Variants in BCL9 observed in about 807,000 individuals in gnomAD.
The protein encoded by BCL9 is BCL9 transcription coactivator.
Under a neutral mutation model 88.5 loss-of-function variants are expected in BCL9, and 25 were observed. The ratio of observed to expected loss-of-function variants is 0.28; its 90% confidence interval spans 0.21 to 0.39. BCL9 has a LOEUF of 0.39. BCL9 is among the 10% of genes least tolerant of loss of function. The pLI, the probability that BCL9 is intolerant of heterozygous loss-of-function variation, is 1.00. For missense variants in BCL9, 1,817 were observed against 1,877.8 expected (o/e 0.97, Z 0.60); for synonymous variants, 711 against 673.3 (o/e 1.06, Z -0.87).
At chr1:147,609,613 A>G (rs587678531) in intron 3 of BCL9, among the ~76,000 whole-genome samples, 2 of 152,368 alleles carry the variant, frequency 1.3e-5, no homozygotes, top group South Asian at 4.1e-4. Context: ...CTTCGAAAAT[A>G]AAAGTGTTTT....
In BCL9 at chr1:147,598,761, A is replaced by C. The variant is rs117105722; in HGVS notation, c.-477-6016A>C. Among the ~76,000 whole-genome samples the C allele has an allele frequency of 4.6e-4, 70 of 152,324 alleles. No homozygotes were observed. The East Asian group carries it at 0.013, about 27-fold the overall frequency. ...AGTGCACACAGTTGCCGAAGCAGCT[A>C]ACTTAGATCAAGACCCCACAAGGCA... On this transcript the variant is annotated intron_variant, in intron 1 of 9. Coordinates refer to ENST00000234739, the MANE Select transcript of BCL9 (RefSeq NM_004326.4).
chr1:147,596,420 T>TTTC (rs1657055649), intron 1 of BCL9, among the ~76,000 whole-genome samples: 1 of 142,860 alleles, frequency 7.0e-6, no homozygotes, highest in East Asian at 2.0e-4. Flanking sequence ...TCTTTTCTTT[T>TTTC]TTTTTTTTTT....
chr1:147,546,195 G>A (rs1349002437), intron 1 of BCL9, among the ~76,000 whole-genome samples: 3 of 152,060 alleles, frequency 2.0e-5, no homozygotes, highest in Admixed American at 6.6e-5. Context: ...AAAATTAGCC[G>A]GGCTTGGTGG....
chr1:147,582,408 A>T (rs1027772856), intron 1 of BCL9, among the ~76,000 whole-genome samples: 1 of 152,170 alleles, frequency 6.6e-6, no homozygotes, highest in Admixed American at 6.5e-5. Flanking sequence ...TGAACATTTA[A>T]TTTTTTATTT....
chr1:147,562,410 C>T (rs782714510), intron 1 of BCL9, among the ~76,000 whole-genome samples: 3 of 152,056 alleles, frequency 2.0e-5, no homozygotes, highest in Non-Finnish European at 2.9e-5. Context: ...TTCATTTCTT[C>T]GGTACTGGGG....
intron 7 of BCL9, 93 bp downstream of exon 7, chr1:147,615,995 C>A: frequency 8.1e-7 from 1 of 1,238,946 alleles, no homozygotes; most frequent in Admixed American, 2.0e-5. Flanking sequence ...GGAAGGTAGT[C>A]TTGATGGCAT....
intron 1 of BCL9, among the ~76,000 whole-genome samples, chr1:147,586,970 G>T (rs1450598496): frequency 6.6e-6 from 1 of 151,892 alleles, no homozygotes; most frequent in Non-Finnish European, 1.5e-5. Context: ...ATGGTTCTCA[G>T]CATAGGCCCT....
chr1:147,611,989 A>G, intron 4 of BCL9, 100 bp downstream of exon 4: 2 of 1,253,202 alleles, frequency 1.6e-6, no homozygotes, highest in Non-Finnish European at 2.3e-6. Flanking sequence ...TTAGAAATAA[A>G]TGAAACCCAA....
chr1:147,544,887 T>C (rs1654485825), intron 1 of BCL9, among the ~76,000 whole-genome samples: 1 of 152,184 alleles, frequency 6.6e-6, no homozygotes, highest in South Asian at 2.1e-4. Flanking sequence ...GGAAAGAATA[T>C]AGTGTCTGGT....
intron 8 of BCL9, among the ~76,000 whole-genome samples, chr1:147,621,318 T>C (rs1553205380): frequency 6.6e-6 from 1 of 152,192 alleles, no homozygotes. Flanking sequence ...GTTCACAGAA[T>C]AATTTACATT....
At chr1:147,587,399 C>T (rs1295019317) in intron 1 of BCL9, among the ~76,000 whole-genome samples, 1 of 152,194 alleles carries the variant, frequency 6.6e-6, no homozygotes, top group Non-Finnish European at 1.5e-5. Flanking sequence ...CGCCCCTCCC[C>T]CGGAACAGGC....
At chr1:147,604,411 G>A (rs914215891) in intron 1 of BCL9, among the ~76,000 whole-genome samples, 7 of 152,220 alleles carry the variant, frequency 4.6e-5, no homozygotes, top group Non-Finnish European at 7.3e-5. Flanking sequence ...GGAGCATAGA[G>A]AAGACATGAA....
chr1:147,583,770 T>C (rs896873448), intron 1 of BCL9, among the ~76,000 whole-genome samples: 16 of 150,946 alleles, frequency 1.1e-4, no homozygotes, highest in Admixed American at 9.9e-4. Flanking sequence ...CTGGTCAACA[T>C]GGCAAAACCC....
chr1:147,550,279 A>C (rs1654827389), intron 1 of BCL9, among the ~76,000 whole-genome samples: 1 of 152,156 alleles, frequency 6.6e-6, no homozygotes, highest in Non-Finnish European at 1.5e-5. Flanking sequence ...AGTACGAACC[A>C]TGGAAGGGCC....
chr1:147,572,928 G>A (rs190845795), intron 1 of BCL9, among the ~76,000 whole-genome samples: 74 of 152,270 alleles, frequency 4.9e-4, no homozygotes, highest in African/African-American at 1.4e-3. Flanking sequence ...TGAGAAGCTG[G>A]GGCTTTGTTC....
chr1:147,601,503 A>G (rs1657386074), intron 1 of BCL9, among the ~76,000 whole-genome samples: 1 of 152,218 alleles, frequency 6.6e-6, no homozygotes, highest in South Asian at 2.1e-4. Context: ...GTGATGAATT[A>G]GAACTAACAG....
intron 1 of BCL9, among the ~76,000 whole-genome samples, chr1:147,554,780 A>G (rs1655032700): frequency 6.6e-6 from 1 of 152,192 alleles, no homozygotes; most frequent in African/African-American, 2.4e-5. Flanking sequence ...TAGTGGAAAT[A>G]GTTATTTTAC....
intron 1 of BCL9, among the ~76,000 whole-genome samples, chr1:147,549,335 C>T: frequency 6.6e-6 from 1 of 152,098 alleles, no homozygotes; most frequent in East Asian, 1.9e-4. Context: ...TCATGTTTCC[C>T]ACTCTTGGAC....
intron 1 of BCL9, among the ~76,000 whole-genome samples, chr1:147,554,508 A>G (rs901332590): frequency 6.6e-6 from 1 of 152,204 alleles, no homozygotes; most frequent in Admixed American, 6.5e-5. Flanking sequence ...ATAATCTCCA[A>G]TCCTCATTTT....
Sources: gnomAD v4.1 joint callset for allele counts (sites outside exome capture counted in the v4.1 genomes callset) on GRCh38, gnomAD v4.1.1 for gene constraint, MANE v1.5 for transcripts, NCBI Gene and HGNC (gene_info 2026-07-23, HGNC 2026-07-21) for gene names.